The following COPG2 variants were observed in gnomAD, a reference collection of about 807,000 sequenced individuals.
COPG2 encodes coat protein complex I subunit gamma 2.
In COPG2, 37 loss-of-function variants were observed where a neutral mutation model predicts 46.3. The observed-to-expected ratio is 0.80, with a 90% CI of 0.61 to 1.05. COPG2 has a LOEUF of 1.05. Ranked by LOEUF, COPG2 falls within the 50% of genes least tolerant of loss-of-function variation. The pLI is 0.00. For missense variants in COPG2, 427 were observed against 387.8 expected (o/e 1.10, Z -0.85); for synonymous variants, 159 against 129.7 (o/e 1.23, Z -1.53).
chr7:130,587,956 AC>A (rs1393946189), intron 9 of COPG2, among the ~76,000 whole-genome samples: 1 of 152,174 alleles, frequency 6.6e-6, no homozygotes, highest in Admixed American at 6.5e-5. Context: ...AGAAAAAAAA[AC>A]AAACAACCCC....
chr7:130,562,401 T>C (rs1308602461), intron 11 of COPG2, among the ~76,000 whole-genome samples: 1 of 152,202 alleles, frequency 6.6e-6, no homozygotes, highest in African/African-American at 2.4e-5. Context: ...ATTGTTGTTC[T>C]ATAAAGGTTT....
intron 5 of COPG2, among the ~76,000 whole-genome samples, chr7:130,639,117 T>C (rs992581334): frequency 4.0e-4 from 61 of 152,172 alleles, no homozygotes; most frequent in African/African-American, 1.4e-3. Flanking sequence ...AATGCAGAAA[T>C]CACCCGCCTT....
intron 5 of COPG2, among the ~76,000 whole-genome samples, chr7:130,619,857 G>A (rs1449903103): frequency 6.6e-6 from 1 of 152,160 alleles, no homozygotes; most frequent in African/African-American, 2.4e-5. Flanking sequence ...AAACTTTGCA[G>A]ATACTGTCCC....
chr7:130,637,241 C>T (rs1795358053), intron 5 of COPG2, among the ~76,000 whole-genome samples: 1 of 152,162 alleles, frequency 6.6e-6, no homozygotes, highest in Non-Finnish European at 1.5e-5. Context: ...GTGATATTCT[C>T]TGTATTTCCT....
At chr7:130,647,888 G>A (rs576466761) in intron 5 of COPG2, among the ~76,000 whole-genome samples, 7 of 151,812 alleles carry the variant, frequency 4.6e-5, no homozygotes, top group East Asian at 1.9e-4. Flanking sequence ...CTGCCACCAC[G>A]CCCAGCTAAT....
intron 20 of COPG2, among the ~76,000 whole-genome samples, chr7:130,541,605 A>G (rs1286526071): frequency 6.6e-6 from 1 of 152,130 alleles, no homozygotes; most frequent in African/African-American, 2.4e-5. Context: ...TAGGAGATTC[A>G]GAGGCAGATG....
intron 16 of COPG2, among the ~76,000 whole-genome samples, chr7:130,550,924 G>C (rs1230480816): frequency 6.6e-6 from 1 of 152,134 alleles, no homozygotes; most frequent in Admixed American, 6.5e-5. Context: ...TTAGCTATAT[G>C]GGAACAATGA....
At chr7:130,561,391 G>C (rs1793716667) in intron 11 of COPG2, among the ~76,000 whole-genome samples, 170 bp from the exon 12 acceptor site, 2 of 152,278 alleles carry the variant, frequency 1.3e-5, no homozygotes, top group Admixed American at 6.5e-5. Flanking sequence ...TTTAATAAAT[G>C]ATCAACGGCC....
intron 5 of COPG2, among the ~76,000 whole-genome samples, chr7:130,631,486 C>T (rs1795230807): frequency 6.6e-6 from 1 of 152,058 alleles, no homozygotes; most frequent in Admixed American, 6.5e-5. Context: ...CTTTTCCTCC[C>T]CAACCTTCTT....
chr7:130,511,036 AAGG>A (rs1182207348), intron 20 of COPG2: 5 of 513,008 alleles, frequency 9.7e-6, no homozygotes, highest in Admixed American at 2.0e-5. Flanking sequence ...GTCAACCACT[AAGG>A]AGATTTGTAT....
At chr7:130,577,747 G>A (rs1483096489) in intron 9 of COPG2, among the ~76,000 whole-genome samples, 4 of 131,916 alleles carry the variant, frequency 3.0e-5, no homozygotes, top group African/African-American at 1.3e-4. Flanking sequence ...TGGCCTGGGC[G>A]ACAGAGCGAG....
At chr7:130,607,805 A>G (rs1554451487) in intron 9 of COPG2, 1 of 519,906 alleles carries the variant, frequency 1.9e-6, no homozygotes, top group Non-Finnish European at 3.8e-6. Context: ...GTCATCCTAC[A>G]CTGAGGAATT....
At chr7:130,645,068 C>CAAAAAAAAA (rs59544911) in intron 5 of COPG2, among the ~76,000 whole-genome samples, 6 of 113,456 alleles carry the variant, frequency 5.3e-5, no homozygotes, top group Non-Finnish European at 5.8e-5. Context: ...ATCCCAAAAA[C>CAAAAAAAAA]AAAAAAAAAA....
At chr7:130,590,405 G>C (rs1159069477) in intron 9 of COPG2, among the ~76,000 whole-genome samples, 1 of 152,212 alleles carries the variant, frequency 6.6e-6, no homozygotes. Context: ...GCAGGTGCGC[G>C]CCGCCACGCC....
intron 9 of COPG2, among the ~76,000 whole-genome samples, chr7:130,572,762 A>G (rs1793931749): frequency 6.6e-6 from 1 of 152,006 alleles, no homozygotes; most frequent in Non-Finnish European, 1.5e-5. Flanking sequence ...AAAAACAAAA[A>G]AGGGTCTCAA....
At chr7:130,650,470 A>C (rs1795714461) in intron 5 of COPG2, among the ~76,000 whole-genome samples, 1 of 152,196 alleles carries the variant, frequency 6.6e-6, no homozygotes, top group Non-Finnish European at 1.5e-5. Flanking sequence ...CTCAGTCAAC[A>C]ACTAATTTAT....
intron 20 of COPG2, among the ~76,000 whole-genome samples, chr7:130,532,718 A>C (rs1799840643): frequency 6.6e-6 from 1 of 152,098 alleles, no homozygotes; most frequent in Admixed American, 6.5e-5. Context: ...GGCTTCTGGG[A>C]GTCAGGGTTG....
chr7:130,529,567 A>AT (rs1156438340), intron 20 of COPG2, among the ~76,000 whole-genome samples: 1 of 152,208 alleles, frequency 6.6e-6, no homozygotes, highest in Admixed American at 6.5e-5. Flanking sequence ...ATCTCAGGAT[A>AT]CGTTGGTGGT....
intron 20 of COPG2, among the ~76,000 whole-genome samples, chr7:130,540,334 A>G (rs1254801802): frequency 6.6e-6 from 1 of 152,118 alleles, no homozygotes; most frequent in Non-Finnish European, 1.5e-5. Context: ...GCTGGTTTTT[A>G]GGAAACAACT....
Sources: allele counts gnomAD v4.1 joint callset (sites outside exome capture counted in the v4.1 genomes callset), GRCh38; gene constraint gnomAD v4.1.1; transcripts MANE v1.5; gene names NCBI Gene and HGNC (gene_info 2026-07-23, HGNC 2026-07-21).